ERC2: variants seen among roughly 807,000 people sequenced by gnomAD.
ERC2 encodes the protein ELKS/RAB6-interacting/CAST family member 2, also known as ERC protein 2.
In ERC2, 42 loss-of-function variants were observed where a neutral mutation model predicts 114.8. The observed-to-expected ratio is 0.37, with a 90% confidence interval of 0.29 to 0.47. The LOEUF (loss-of-function observed/expected upper bound fraction) is 0.47. Among genes scored for constraint, ERC2 ranks in the 20% least tolerant of loss-of-function variants. The pLI is 0.99. For synonymous variants in ERC2, 454 were observed against 425.5 expected (o/e 1.07, Z -0.82); for missense variants, 939 against 1,150.7 (o/e 0.82, Z 2.66).
chr3:55,836,279 A>T (rs1575779038), intron 14 of ERC2, among the ~76,000 whole-genome samples: 1 of 152,196 alleles, frequency 6.6e-6, no homozygotes, highest in East Asian at 1.9e-4. Flanking sequence ...GAACCAAAAA[A>T]CAGCCCGCAT....
At chr3:56,428,742 G>A (rs955961116) in intron 2 of ERC2, among the ~76,000 whole-genome samples, 4 of 152,172 alleles carry the variant, frequency 2.6e-5, no homozygotes, top group Non-Finnish European at 5.9e-5. Context: ...ATTTAGAGTA[G>A]ATTCTTTCCT....
intron 14 of ERC2, among the ~76,000 whole-genome samples, chr3:55,774,311 A>C (rs561316713): frequency 6.6e-6 from 1 of 152,336 alleles, no homozygotes; most frequent in African/African-American, 2.4e-5. Context: ...CTAACAAGCT[A>C]AGATGGATTC....
At chr3:56,245,514 G>GTGTGTGTGTGGTATGT (rs2051625763) in intron 3 of ERC2, among the ~76,000 whole-genome samples, 1 of 30,788 alleles carries the variant, frequency 3.2e-5, no homozygotes, top group African/African-American at 1.6e-4. Flanking sequence ...GGTATGTTGT[G>GTGTGTGTGTGGTATGT]TGTGTGTGTG....
At chr3:56,407,536 G>A (rs2060775915) in intron 2 of ERC2, among the ~76,000 whole-genome samples, 2 of 152,296 alleles carry the variant, frequency 1.3e-5, no homozygotes, top group East Asian at 1.9e-4. Flanking sequence ...AACTTTGGGT[G>A]AGTCTATCCA....
intron 14 of ERC2, among the ~76,000 whole-genome samples, chr3:55,762,004 G>A (rs1188106903): frequency 8.1e-6 from 1 of 122,760 alleles, no homozygotes; most frequent in Non-Finnish European, 1.6e-5. Flanking sequence ...CCACCATGTA[G>A]GATGTGCCTT....
chr3:55,562,888 T>C (rs2173623), intron 17 of ERC2, among the ~76,000 whole-genome samples: 65,971 of 152,046 alleles, frequency 0.43, 14,649 homozygotes, highest in South Asian at 0.53. Context: ...AACTGACAGG[T>C]GTAAAATTTT....
chr3:56,141,286 C>A (rs1039917137), intron 5 of ERC2, among the ~76,000 whole-genome samples: 1 of 152,158 alleles, frequency 6.6e-6, no homozygotes, highest in African/African-American at 2.4e-5. Context: ...CTTCTTGAAC[C>A]TGGGCTGGAC....
chr3:55,667,310 G>A (rs781358277), intron 17 of ERC2, among the ~76,000 whole-genome samples: 2 of 152,174 alleles, frequency 1.3e-5, no homozygotes, highest in African/African-American at 2.4e-5. Context: ...CATGTAAACC[G>A]TCTAGCACAT....
At chr3:55,850,712 C>T (rs1258361185) in intron 14 of ERC2, among the ~76,000 whole-genome samples, 2 of 152,214 alleles carry the variant, frequency 1.3e-5, no homozygotes, top group African/African-American at 2.4e-5. Flanking sequence ...CCAATGATGT[C>T]AGACATCACT....
At chr3:55,952,205 T>TATATATAC (rs2067627762) in intron 12 of ERC2, among the ~76,000 whole-genome samples, 1 of 124,472 alleles carries the variant, frequency 8.0e-6, no homozygotes, top group African/African-American at 2.9e-5. Context: ...TCTCTATATA[T>TATATATAC]ATATATATAT....
chr3:55,633,147 T>C (rs1394738894), intron 17 of ERC2, among the ~76,000 whole-genome samples: 1 of 152,154 alleles, frequency 6.6e-6, no homozygotes, highest in African/African-American at 2.4e-5. Context: ...GCCTGACCGA[T>C]ATCAGCACAC....
At chr3:56,458,908 C>T (rs979103512) in intron 1 of ERC2, among the ~76,000 whole-genome samples, 9 of 152,208 alleles carry the variant, frequency 5.9e-5, no homozygotes, top group Non-Finnish European at 4.4e-5. Flanking sequence ...GACTGCTCCT[C>T]GAGGTGATGA....
At chr3:55,523,118 C>T (rs1269105416) in intron 17 of ERC2, among the ~76,000 whole-genome samples, 2 of 152,184 alleles carry the variant, frequency 1.3e-5, no homozygotes, top group African/African-American at 4.8e-5. Flanking sequence ...GGGACTGGGG[C>T]ATGACAAAGT....
At chr3:55,794,921 C>T (rs2070353102) in intron 14 of ERC2, among the ~76,000 whole-genome samples, 1 of 152,046 alleles carries the variant, frequency 6.6e-6, no homozygotes. Flanking sequence ...TGAAATGGAC[C>T]ATCATGTCAT....
rs2051938134 is a variant in ERC2, at chr3:55,509,267, C to T, written c.*2049G>A. 1 of 152,464 alleles carries T rather than the reference C, an allele frequency of 6.6e-6. No individual in the cohort carries two copies. Among genetic ancestry groups the T allele is most frequent in the South Asian group, 2.1e-4 (1 of 4,828 alleles). 9.4% of individuals were successfully genotyped at this position (152,464 alleles called of 1,614,324 possible). ...TTCTGTTTCAAGGACCCTATTTTCC[C>T]TACTGGATTTCCTACTTCCTACTTC... On this transcript the variant is annotated 3_prime_UTR_variant, in exon 18 of 18. Coordinates refer to ENST00000288221, the MANE Select transcript of ERC2 (RefSeq NM_015576.3).
intron 3 of ERC2, among the ~76,000 whole-genome samples, chr3:56,190,099 C>T (rs2083894496): frequency 6.6e-6 from 1 of 152,084 alleles, no homozygotes; most frequent in South Asian, 2.1e-4. Flanking sequence ...AAGGGGATCC[C>T]TAAAGGCTGT....
intron 14 of ERC2, among the ~76,000 whole-genome samples, chr3:55,864,154 T>TAC (rs1559783071): frequency 2.7e-5 from 3 of 111,994 alleles, no homozygotes; most frequent in Non-Finnish European, 5.4e-5. Context: ...TATATATATA[T>TAC]ACACATATAT....
chr3:55,538,773 C>T (rs918139904), intron 17 of ERC2, among the ~76,000 whole-genome samples: 13 of 152,126 alleles, frequency 8.5e-5, no homozygotes, highest in African/African-American at 2.9e-4. Context: ...CTTTTCCACC[C>T]GACCAAAGAC....
chr3:56,230,886 A>T (rs1158960686), intron 3 of ERC2, among the ~76,000 whole-genome samples: 3 of 152,228 alleles, frequency 2.0e-5, no homozygotes, highest in African/African-American at 7.2e-5. Flanking sequence ...CATATTATTG[A>T]AATAGTTTTT....
Sources: allele counts gnomAD v4.1 joint callset (sites outside exome capture counted in the v4.1 genomes callset), GRCh38; gene constraint gnomAD v4.1.1; transcripts MANE v1.5; gene names NCBI Gene and HGNC (gene_info 2026-07-23, HGNC 2026-07-21).